BECN1: variants seen among roughly 807,000 people sequenced by gnomAD.
The protein encoded by BECN1 is beclin-1.
Under a neutral mutation model 60.1 loss-of-function variants are expected in BECN1, and 15 were observed. The ratio of observed to expected loss-of-function variants is 0.25; its 90% CI spans 0.17 to 0.38. BECN1 has a LOEUF of 0.38. Ranked by LOEUF, BECN1 falls within the 10% of genes least tolerant of loss-of-function variation. The pLI is 1.00. For missense variants in BECN1, 424 were observed against 548.2 expected (o/e 0.77, Z 2.26); for synonymous variants, 179 against 201.8 (o/e 0.89, Z 0.96).
intron 7 of BECN1, among the ~76,000 whole-genome samples, chr17:42,816,847 G>C (rs1156716303): frequency 6.6e-6 from 1 of 152,132 alleles, no homozygotes; most frequent in South Asian, 2.1e-4. Flanking sequence ...GCGCACGCCT[G>C]TAGTCCCAGC....
intron 2 of BECN1, among the ~76,000 whole-genome samples, chr17:42,821,802 T>C (rs960274944): frequency 2.6e-5 from 4 of 152,200 alleles, no homozygotes; most frequent in African/African-American, 9.7e-5. Flanking sequence ...AACATAAGAA[T>C]GTGAGAATAT....
chr17:42,811,795 C>T lies in BECN1; in HGVS notation c.1044G>A (p.Glu348=), dbSNP rs1260814314. The change falls in exon 11 of 12, where the codon GAG becomes GAA. Residue 348 remains glutamate (E), a splice_region_variant and synonymous_variant. Coordinates refer to ENST00000590099, the MANE Select transcript of BECN1 (RefSeq NM_001313998.2). ...YLESLTDKSK[E]LPLYCSGGLR... is the part of the protein sequence containing the mutation. ...ACCCCCCAGAACAGTATAACGGCAG[C>T]TCCTGCCCAAGAAGAGAAAACTGGC... 1 of 1,609,002 alleles carries T rather than the reference C, an allele frequency of 6.2e-7. No homozygotes were observed. Among genetic ancestry groups the T allele is most frequent in the Admixed American group, 1.7e-5 (1 of 58,480 alleles).
At chr17:42,821,890 A>G (rs2055271905) in intron 2 of BECN1, among the ~76,000 whole-genome samples, 1 of 152,244 alleles carries the variant, frequency 6.6e-6, no homozygotes, top group Non-Finnish European at 1.5e-5. Flanking sequence ...CAAATTTTCC[A>G]TAATAAAAAG....
At chr17:42,814,482 A>G in intron 9 of BECN1, 42 bp downstream of exon 9, 1 of 1,611,992 alleles carries the variant, frequency 6.2e-7, no homozygotes, top group Non-Finnish European at 8.5e-7. Flanking sequence ...TACAAATTAT[A>G]TCAATGCACA....
At position 42,824,181 on chromosome 17, in the gene BECN1, A is replaced by T. The variant is rs569700839; in HGVS notation, c.-29T>A. The T allele has an allele frequency of 2.3e-6, 1 of 428,790 alleles. No individual in the cohort carries two copies. Among genetic ancestry groups the T allele is most frequent in the African/African-American group, 2.0e-5 (1 of 49,388 alleles). The allele number at this position is 428,790 out of a possible 1,614,324, so 26.6% of individuals were successfully genotyped here. On this transcript the variant is annotated 5_prime_UTR_variant, in exon 1 of 12. It adds an upstream start codon to the 5' untranslated region. Coordinates refer to ENST00000590099, the MANE Select transcript of BECN1 (RefSeq NM_001313998.2). ...TCGGGAGCCCGGAGCCCGTCACCCA[A>T]GTCCGGTCTACCGCGGAGGCACTGT... is the stretch of plus-strand genomic sequence containing the variant.
Position 42,823,858 on chromosome 17 carries a change from G to A in BECN1, c.20C>T (p.Ser7Phe). ...GCTCACCTGCATGGTGCTGTTGTTGGACGTCTTAGACCCTTCCATCCCTGA... is the reference window on the plus strand; with the variant it reads ...GCTCACCTGCATGGTGCTGTTGTTGAACGTCTTAGACCCTTCCATCCCTGA... MEGSKT[S>F]NNSTMQVSFV... Residue 7 changes from serine (S) to phenylalanine (F), a missense_variant, in exon 2 of 12, where the codon TCC becomes TTC. Around this residue, in one of 3 missense-constraint regions of BECN1, gnomAD observed 96 missense variants for 125.6 expected, o/e 0.76. Transcript: ENST00000590099. 2 of 1,614,078 alleles carry A rather than the reference G, an allele frequency of 1.2e-6. No individual in the cohort carries two copies. The highest frequency in any genetic ancestry group is 1.7e-6 in the Non-Finnish European group (2 of 1,179,996).
intron 4 of BECN1, 187 bp downstream of exon 4, chr17:42,819,361 C>A (rs2055212984): frequency 1.7e-6 from 1 of 605,312 alleles, no homozygotes; most frequent in East Asian, 2.9e-5. Flanking sequence ...ACTCTGTGAA[C>A]AGCTACAGGA....
In BECN1 at chr17:42,816,074, C is replaced by G. The variant is rs576140362; in HGVS notation, c.684-20G>C. 5 of 1,552,772 alleles carry G rather than the reference C, an allele frequency of 3.2e-6. No homozygotes were observed. The highest frequency in any genetic ancestry group is 1.7e-4 in the Middle Eastern group (1 of 5,740). ...TGATACCTGTGAGCAGCCAAGGGGG[C>G]CATTGAAGGCTGTTAGCTTGGGGGC... On this transcript the variant is annotated intron_variant, in intron 7 of 11. Transcript: ENST00000590099.
At chr17:42,823,956 G>C in intron 1 of BECN1, 77 bp from the exon 2 acceptor site, 1 of 1,531,932 alleles carries the variant, frequency 6.5e-7, no homozygotes, top group Non-Finnish European at 8.9e-7. Context: ...CACATGCCTT[G>C]GTGACGATGG....
rs116608942 is a variant in BECN1, at chr17:42,820,994, C to T, written c.131-153G>A. Among the ~76,000 whole-genome samples, 1,228 of 152,256 alleles carry T rather than the reference C, an allele frequency of 8.1e-3. 11 individuals carry two copies. Among genetic ancestry groups the T allele is most frequent in the African/African-American group, 0.026 (1,100 of 41,538 alleles). ...TTACACCAAAAGAATCTGTGGTCTT[C>T]CTCACCCCCATTAAATCAGATTAAA... On this transcript the variant is annotated intron_variant, in intron 2 of 11. Transcript: ENST00000590099.
chr17:42,813,267 G>A (rs1012637406), intron 10 of BECN1, among the ~76,000 whole-genome samples: 3 of 151,924 alleles, frequency 2.0e-5, no homozygotes, highest in Non-Finnish European at 4.4e-5. Context: ...AGGCACGGTG[G>A]CTCATGCCTG....
rs534905942 is a variant in BECN1, at chr17:42,813,937, T to A, written c.1041+11A>T. On this transcript the variant is annotated intron_variant, in intron 10 of 11. Coordinates refer to ENST00000590099, the MANE Select transcript of BECN1 (RefSeq NM_001313998.2). Reference sequence around the variant, plus strand: ...TCTGTATTCCAGTGAAAATGGAGCTTCACAGAGTACCTTAGATTTGTCTGT... The same window carrying A: ...TCTGTATTCCAGTGAAAATGGAGCTACACAGAGTACCTTAGATTTGTCTGT... 1.3e-6 allele frequency: 2 copies of A among 1,573,204 alleles called. No homozygotes were observed. The highest frequency in any genetic ancestry group is 1.7e-6 in the Non-Finnish European group (2 of 1,151,920).
chr17:42,814,869 CT>C, intron 8 of BECN1, 196 bp from the exon 9 acceptor site: 1 of 668,812 alleles, frequency 1.5e-6, no homozygotes, highest in Non-Finnish European at 2.5e-6. Context: ...AAGCAGAAAC[CT>C]GGGTGGTATC....
intron 4 of BECN1, 142 bp from the exon 5 acceptor site, chr17:42,819,019 C>T: frequency 1.2e-6 from 1 of 817,070 alleles, no homozygotes; most frequent in Non-Finnish European, 1.9e-6. Flanking sequence ...ACTGACCTCC[C>T]AAGGGTACCT....
rs768754246 is a variant in BECN1 at position 42,814,654 on chromosome 17, T to C, written c.850A>G (p.Thr284Ala). The change falls in exon 9 of 12, where the codon ACA becomes GCA. Residue 284 changes from threonine to alanine, a missense_variant. This residue lies in a region of BECN1 where 326 missense variants were observed against 406.2 expected (regional missense o/e 0.80). Transcript: ENST00000590099. ...CGACCCAGCCTGAAGTTATTGATTG[T>C]GCCAAACTGTCCACTGTGCCTACAG... ...FHIWHSGQFG[T>A]INNFRLGRLP... 1 of 1,614,124 alleles carries C rather than the reference T, an allele frequency of 6.2e-7. No homozygotes were observed. The highest frequency in any genetic ancestry group is 8.5e-7 in the Non-Finnish European group (1 of 1,180,026).
Position 42,814,003 on chromosome 17 carries a change from C to A in BECN1, c.986G>T (p.Arg329Leu), listed in dbSNP as rs368727081. The A allele has an allele frequency of 6.2e-7, 1 of 1,600,270 alleles. No individual in the cohort carries two copies. The highest frequency in any genetic ancestry group is 8.5e-7 in the Non-Finnish European group (1 of 1,169,926). ...TGAATGGTTTCCGTAAGGAACAAGT[C>A]GGTATCTAAAATAGAGATACAAACA... ...NKMGLKFQRY[R>L]LVPYGNHSYL... is the part of the protein sequence containing the mutation. Residue 329 changes from arginine (R) to leucine (L), a missense_variant, in exon 10 of 12, where the codon CGA becomes CTA. By Grantham distance (102) the Arg-to-Leu change is moderately radical. Transcript: ENST00000590099.
intron 11 of BECN1, 171 bp downstream of exon 11, chr17:42,811,484 T>C: frequency 2.6e-6 from 2 of 764,734 alleles, no homozygotes; most frequent in East Asian, 2.8e-5. Context: ...GGTGGTCACA[T>C]TCTGTCCTGC....
At chr17:42,818,200 T>TAGAAGA (rs747916241) in intron 7 of BECN1, 21 bp downstream of exon 7, 5 of 1,611,244 alleles carry the variant, frequency 3.1e-6, no homozygotes, top group Non-Finnish European at 2.5e-6. Flanking sequence ...TGTGAGAAGA[T>TAGAAGA]AGAACAGGGT....
At position 42,816,099 on chromosome 17, in the gene BECN1, C is replaced by T. The variant is rs143603080; in HGVS notation, c.684-45G>A. 5.2e-4 allele frequency: 791 copies of T among 1,523,014 alleles called. 1 individual carries two copies. In the African/African-American group the frequency reaches 9.5e-3, roughly 18 times the overall value. 94.3% of individuals were successfully genotyped at this position (1,523,014 alleles called of 1,614,324 possible). A position where few individuals can be genotyped will look rare whatever the true frequency, so the allele number is the denominator to read the frequency against. On this transcript the variant is annotated intron_variant, in intron 7 of 11. Coordinates refer to ENST00000590099, the MANE Select transcript of BECN1 (RefSeq NM_001313998.2). ...CCATTGAAGGCTGTTAGCTTGGGGG[C>T]TAAAGTTTCTCTCTCACCACACTAT... is the stretch of plus-strand genomic sequence containing the variant.
Sources: allele counts gnomAD v4.1 joint callset (sites outside exome capture counted in the v4.1 genomes callset), GRCh38; gene constraint gnomAD v4.1.1; regional missense constraint gnomAD v4.1.1; transcripts MANE v1.5; gene names NCBI Gene and HGNC (gene_info 2026-07-23, HGNC 2026-07-21).